The following CYFIP1 variants were observed in gnomAD, a reference collection of about 807,000 sequenced individuals.
CYFIP1 encodes cytoplasmic FMR1 interacting protein 1, also known as cytoplasmic FMR1-interacting protein 1.
In CYFIP1, 58 loss-of-function variants were observed where a neutral mutation model predicts 163.5. The observed-to-expected ratio is 0.35, with a 90% confidence interval of 0.29 to 0.44. CYFIP1 has a LOEUF of 0.44. CYFIP1 is among the 20% of genes least tolerant of loss of function. The pLI is 1.00. For synonymous variants in CYFIP1, 663 were observed against 660.7 expected (o/e 1.00, Z -0.05); for missense variants, 1,338 against 1,653.8 (o/e 0.81, Z 3.31).
At chr15:22,878,218 G>A (rs77089327) in intron 26 of CYFIP1, among the ~76,000 whole-genome samples, 5,504 of 152,272 alleles carry the variant, frequency 0.036, 381 homozygotes, top group East Asian at 0.35. Context: ...GCAGAGCAGA[G>A]AGCCCTGGGG....
At chr15:22,979,162 T>A (rs1035192804) in intron 1 of CYFIP1, among the ~76,000 whole-genome samples, 2 of 152,098 alleles carry the variant, frequency 1.3e-5, no homozygotes, top group African/African-American at 4.8e-5. Flanking sequence ...AGTGCACACC[T>A]GCTACGGCCC....
At chr15:22,916,683 GT>G in intron 15 of CYFIP1, 53 bp from the exon 16 acceptor site, 1 of 1,614,136 alleles carries the variant, frequency 6.2e-7, no homozygotes, top group Non-Finnish European at 8.5e-7. Flanking sequence ...TGGTACATTA[GT>G]TATGCCAAAC....
intron 21 of CYFIP1, among the ~76,000 whole-genome samples, chr15:22,905,884 C>G (rs963956980): frequency 6.6e-6 from 1 of 151,724 alleles, no homozygotes. Flanking sequence ...CTCAGCCTCC[C>G]GAGTAAGCTG....
At chr15:22,975,514 G>GGAGGCA (rs1281157487) in intron 1 of CYFIP1, among the ~76,000 whole-genome samples, 2 of 151,588 alleles carry the variant, frequency 1.3e-5, no homozygotes, top group African/African-American at 2.4e-5. Context: ...CAGCACTCTG[G>GGAGGCA]GAGGCAGAGG....
At chr15:22,911,661 T>C (rs1191131837) in intron 18 of CYFIP1, among the ~76,000 whole-genome samples, 2 of 152,176 alleles carry the variant, frequency 1.3e-5, no homozygotes, top group Non-Finnish European at 2.9e-5. Context: ...CCTCCTCCCA[T>C]CCTGCAGGGC....
chr15:22,895,172 G>A (rs1261816068), intron 22 of CYFIP1, among the ~76,000 whole-genome samples: 1 of 152,036 alleles, frequency 6.6e-6, no homozygotes, highest in Non-Finnish European at 1.5e-5. Context: ...CCGCCACCAA[G>A]CCCAGCTAAC....
intron 1 of CYFIP1, among the ~76,000 whole-genome samples, chr15:22,949,182 G>A (rs1169668125): frequency 2.6e-5 from 4 of 152,336 alleles, no homozygotes; most frequent in South Asian, 4.1e-4. Flanking sequence ...GAGAAATGAC[G>A]CTCAGCAGAG....
At chr15:22,872,740 A>G (rs1159906063) in intron 30 of CYFIP1, 85 bp downstream of exon 30, 22 of 1,429,548 alleles carry the variant, frequency 1.5e-5, no homozygotes, top group Admixed American at 1.9e-5. Flanking sequence ...GATGAAAAAC[A>G]TTGCCAGAAA....
intron 21 of CYFIP1, among the ~76,000 whole-genome samples, chr15:22,908,595 T>A (rs1022462526): frequency 4.3e-5 from 6 of 139,084 alleles, no homozygotes; most frequent in Non-Finnish European, 7.6e-5. Context: ...AGTGGCGCGA[T>A]CTGGGCTCAC....
At chr15:22,908,156 G>A (rs1037138226) in intron 21 of CYFIP1, among the ~76,000 whole-genome samples, 7 of 152,158 alleles carry the variant, frequency 4.6e-5, no homozygotes, top group Admixed American at 4.6e-4. Flanking sequence ...GGACTAACTG[G>A]CAGCTCCCAT....
rs199948522 is a variant in CYFIP1 at position 22,947,128 on chromosome 15, C to T, written c.118-36G>A. The T allele has an allele frequency of 2.5e-5, 41 of 1,614,072 alleles. 1 individual carries two copies. The highest frequency in any genetic ancestry group is 3.0e-5 in the Non-Finnish European group (35 of 1,179,970). Reference sequence around the variant, plus strand: ...GGAAGAGAAAAACATCATGTGGGGTCGGAGCACAGGCTGTACGCCCTGCAG... The same window carrying T: ...GGAAGAGAAAAACATCATGTGGGGTTGGAGCACAGGCTGTACGCCCTGCAG... On this transcript the variant is annotated intron_variant, in intron 2 of 30. Transcript: ENST00000617928.
Position 22,874,531 on chromosome 15 carries a change from C to A in CYFIP1, c.3210+19G>T. 1 of 1,556,020 alleles carries A rather than the reference C, an allele frequency of 6.4e-7. No individual in the cohort carries two copies. Among genetic ancestry groups the A allele is most frequent in the Non-Finnish European group, 8.7e-7 (1 of 1,152,240 alleles). ...GATGCCCAGCTTGCAACAGCCACAG[C>A]CATCACGGTACACGTTACCTGAGGG... On this transcript the variant is annotated intron_variant, in intron 28 of 30. Coordinates refer to ENST00000617928, the MANE Select transcript of CYFIP1 (RefSeq NM_014608.6).
In CYFIP1 at chr15:22,868,465, G is replaced by A. The variant is rs1190869425; in HGVS notation, c.*1563C>T. The A allele has an allele frequency of 6.9e-6, 1 of 145,402 alleles. No individual in the cohort carries two copies. Among genetic ancestry groups the A allele is most frequent in the African/African-American group, 2.9e-5 (1 of 35,046 alleles). 9.0% of individuals were successfully genotyped at this position (145,402 alleles called of 1,614,324 possible). A position where few individuals can be genotyped will look rare whatever the true frequency, so the allele number is the denominator to read the frequency against. On this transcript the variant is annotated 3_prime_UTR_variant, in exon 31 of 31. Transcript: ENST00000617928. The stretch of plus-strand genomic sequence containing the variant: ...TTAAGCCTTATAAAACTTGGTAATT[G>A]ATTAAGTTTTACCATAATTTTTCAT...
chr15:22,889,904 AG>A (rs1400746647), intron 23 of CYFIP1, among the ~76,000 whole-genome samples: 1 of 152,200 alleles, frequency 6.6e-6, no homozygotes, highest in Non-Finnish European at 1.5e-5. Flanking sequence ...TCAGTTCTAA[AG>A]GTAAAACACT....
chr15:22,910,525 C>T lies in CYFIP1; in HGVS notation c.2263G>A (p.Val755Met). Residue 755 changes from valine (V) to methionine (M), a missense_variant, in exon 20 of 31, where the codon GTG (valine) becomes ATG (methionine). Physicochemically the swap from Val to Met is conservative, Grantham distance 21 (BLOSUM62 1). This residue lies in a region of CYFIP1 where 824 missense variants were observed against 995.7 expected (regional missense o/e 0.83). Transcript: ENST00000617928. ...ACAGCCCGGCCCCAGCTCACCTGCACATGCCTCTGCTTCAGCAGCGTCTCG... is the reference window on the plus strand; with the variant it reads ...ACAGCCCGGCCCCAGCTCACCTGCATATGCCTCTGCTTCAGCAGCGTCTCG... The part of the protein sequence containing the change: ...RYETLLKQRH[V>M]QLLGRSIDLN... 6.2e-7 allele frequency: 1 copy of T among 1,613,656 alleles called. No individual in the cohort carries two copies. Among genetic ancestry groups the T allele is most frequent in the Non-Finnish European group, 8.5e-7 (1 of 1,179,536 alleles).
intron 1 of CYFIP1, among the ~76,000 whole-genome samples, chr15:22,971,157 A>C (rs2063081788): frequency 6.6e-6 from 1 of 152,240 alleles, no homozygotes; most frequent in Admixed American, 6.5e-5. Context: ...TAAAACTATA[A>C]AACTCTTAGA....
At chr15:22,922,846 G>C (rs1257788092) in intron 13 of CYFIP1, among the ~76,000 whole-genome samples, 1 of 152,074 alleles carries the variant, frequency 6.6e-6, no homozygotes, top group Admixed American at 6.6e-5. Context: ...GCAAAAATTA[G>C]CTGGGTGTGG....
rs775233984 is a variant in CYFIP1, at chr15:22,868,864, T to C, written c.*1164A>G. On this transcript the variant is annotated 3_prime_UTR_variant, in exon 31 of 31. Coordinates refer to ENST00000617928, the MANE Select transcript of CYFIP1 (RefSeq NM_014608.6). ...GGCTACAATATAAAGTGAGTTCAGT[T>C]AATCATGCTGGACTTGTGTTTATCT... is the stretch of plus-strand genomic sequence containing the variant. 1 of 152,208 alleles carries C rather than the reference T, an allele frequency of 6.6e-6. No individual in the cohort carries two copies. Among genetic ancestry groups the C allele is most frequent in the Admixed American group, 6.5e-5 (1 of 15,286 alleles). The allele number at this position is 152,208 out of a possible 1,614,324, so 9.4% of individuals were successfully genotyped here. A position where few individuals can be genotyped will look rare whatever the true frequency, so the allele number is the denominator to read the frequency against.
chr15:22,932,264 T>C lies in CYFIP1; in HGVS notation c.1069A>G (p.Met357Val), dbSNP rs1462784437. 1.9e-6 allele frequency: 3 copies of C among 1,613,280 alleles called. No individual in the cohort carries two copies. The highest frequency in any genetic ancestry group is 2.7e-5 in the African/African-American group (2 of 75,002). Residue 357 changes from methionine (M) to valine (V), a missense_variant, in exon 11 of 31, where the codon ATG becomes GTG. This residue lies in a region of CYFIP1 where 824 missense variants were observed against 995.7 expected (regional missense o/e 0.83). Coordinates refer to ENST00000617928, the MANE Select transcript of CYFIP1 (RefSeq NM_014608.6). Reference sequence around the variant, plus strand: ...CGCGCCAGCTCCGAAATGAAGCGCATGTGGTCCTCGCGGATCTGGATCATC... The same window carrying C: ...CGCGCCAGCTCCGAAATGAAGCGCACGTGGTCCTCGCGGATCTGGATCATC... ...EQMIQIREDHMRFISELARYS... is the reference protein window; with the variant it reads ...EQMIQIREDHVRFISELARYS...
Sources: gnomAD v4.1 joint callset for allele counts (sites outside exome capture counted in the v4.1 genomes callset) on GRCh38, gnomAD v4.1.1 for gene constraint, gnomAD v4.1.1 regional missense constraint, MANE v1.5 for transcripts, NCBI Gene and HGNC (gene_info 2026-07-23, HGNC 2026-07-21) for gene names.